SLC25A13: variants seen among roughly 807,000 people sequenced by gnomAD.
The protein encoded by SLC25A13 is electrogenic aspartate/glutamate antiporter SLC25A13, mitochondrial.
A neutral mutation model predicts 85.5 loss-of-function variants in SLC25A13; 70 were observed. That is an observed-to-expected ratio of 0.82 (90% CI 0.68 to 1.00). SLC25A13 has a LOEUF of 1.00. Among genes scored for constraint, SLC25A13 ranks in the 50% least tolerant of loss-of-function variants. SLC25A13 has a pLI of 0.00. For missense variants in SLC25A13, 765 were observed against 819.8 expected (o/e 0.93, Z 0.82); for synonymous variants, 259 against 288.7 (o/e 0.90, Z 1.04).
intron 11 of SLC25A13, among the ~76,000 whole-genome samples, chr7:96,183,757 G>A (rs540409748): frequency 2.6e-5 from 4 of 152,160 alleles, no homozygotes; most frequent in Admixed American, 6.5e-5. Context: ...CTGTCTCAGT[G>A]GGGGGAAACC....
At chr7:96,124,538 A>G (rs1791647160) in intron 15 of SLC25A13, among the ~76,000 whole-genome samples, 1 of 152,220 alleles carries the variant, frequency 6.6e-6, no homozygotes, top group East Asian at 1.9e-4. Flanking sequence ...TCTGAACGCT[A>G]TTTAAAACCT....
chr7:96,243,246 G>A (rs765404885), intron 3 of SLC25A13, among the ~76,000 whole-genome samples: 9 of 152,184 alleles, frequency 5.9e-5, no homozygotes, highest in Admixed American at 3.3e-4. Flanking sequence ...GATTACAGGT[G>A]TGAGCAACCA....
intron 3 of SLC25A13, among the ~76,000 whole-genome samples, chr7:96,276,524 G>A (rs1340542503): frequency 6.6e-6 from 1 of 152,158 alleles, no homozygotes; most frequent in Non-Finnish European, 1.5e-5. Flanking sequence ...TCAGGAGGCT[G>A]AGGTGAGAGG....
At chr7:96,236,418 G>C (rs1490910532) in intron 3 of SLC25A13, among the ~76,000 whole-genome samples, 1 of 152,076 alleles carries the variant, frequency 6.6e-6, no homozygotes, top group Non-Finnish European at 1.5e-5. Context: ...ATAGTCATGA[G>C]CACACATAAC....
At chr7:96,286,518 G>A (rs775277015) in intron 2 of SLC25A13, among the ~76,000 whole-genome samples, 43 of 152,010 alleles carry the variant, frequency 2.8e-4, no homozygotes, top group Non-Finnish European at 5.3e-4. Context: ...ATCTTCGAGC[G>A]TAATTCAAAC....
At chr7:96,157,258 C>G (rs1257241719) in intron 13 of SLC25A13, among the ~76,000 whole-genome samples, 3 of 152,002 alleles carry the variant, frequency 2.0e-5, no homozygotes, top group Non-Finnish European at 4.4e-5. Flanking sequence ...CCTCACGGCT[C>G]ACAGTAAAAT....
chr7:96,237,579 A>G (rs893307803), intron 3 of SLC25A13, among the ~76,000 whole-genome samples: 1 of 152,238 alleles, frequency 6.6e-6, no homozygotes, highest in African/African-American at 2.4e-5. Flanking sequence ...TGTTTTAGAA[A>G]AAGAACTGGT....
At chr7:96,178,923 G>A (rs1297625165) in intron 11 of SLC25A13, among the ~76,000 whole-genome samples, 2 of 152,206 alleles carry the variant, frequency 1.3e-5, no homozygotes, top group Non-Finnish European at 2.9e-5. Context: ...CTACCCCAAG[G>A]TGGCTGTACA....
chr7:96,279,659 A>T (rs1798593395), intron 2 of SLC25A13, among the ~76,000 whole-genome samples: 1 of 152,192 alleles, frequency 6.6e-6, no homozygotes, highest in South Asian at 2.1e-4. Context: ...TTTAAGGTGA[A>T]ATTTGGGTGG....
intron 15 of SLC25A13, among the ~76,000 whole-genome samples, chr7:96,129,276 G>A (rs536483148): frequency 6.6e-6 from 1 of 152,250 alleles, no homozygotes; most frequent in African/African-American, 2.4e-5. Context: ...AGTTTTGAGG[G>A]AATTTGGCAT....
chr7:96,165,555 T>C (rs902873486), intron 13 of SLC25A13, among the ~76,000 whole-genome samples: 2 of 152,116 alleles, frequency 1.3e-5, no homozygotes, highest in African/African-American at 4.8e-5. Context: ...AGCACATGAG[T>C]TGCACTAATG....
At chr7:96,164,738 A>ACACACACACACACT (rs1292803609) in intron 13 of SLC25A13, among the ~76,000 whole-genome samples, 4 of 152,076 alleles carry the variant, frequency 2.6e-5, no homozygotes, top group African/African-American at 9.7e-5. Context: ...ACACACACAC[A>ACACACACACACACT]CACACACAAA....
At chr7:96,318,506 A>G (rs1320921008) in intron 1 of SLC25A13, among the ~76,000 whole-genome samples, 2 of 152,210 alleles carry the variant, frequency 1.3e-5, no homozygotes, top group Non-Finnish European at 2.9e-5. Context: ...GAGAATGGAC[A>G]CTTTTTGAGA....
chr7:96,233,134 C>G (rs75624441), intron 4 of SLC25A13, among the ~76,000 whole-genome samples: 1 of 152,140 alleles, frequency 6.6e-6, no homozygotes, highest in Admixed American at 6.6e-5. Flanking sequence ...AATATCAAAT[C>G]GAACTCTCTT....
At chr7:96,282,723 T>C (rs1387861394) in intron 2 of SLC25A13, among the ~76,000 whole-genome samples, 1 of 152,238 alleles carries the variant, frequency 6.6e-6, no homozygotes, top group East Asian at 1.9e-4. Context: ...AAAAAATGTA[T>C]AAACTAACAT....
chr7:96,271,405 G>T (rs1562892408), intron 3 of SLC25A13, among the ~76,000 whole-genome samples: 1 of 152,144 alleles, frequency 6.6e-6, no homozygotes, highest in Non-Finnish European at 1.5e-5. Context: ...CAACTAAAAG[G>T]TTTGTTATAG....
chr7:96,228,538 T>C (rs549352315), intron 4 of SLC25A13, among the ~76,000 whole-genome samples: 28 of 152,318 alleles, frequency 1.8e-4, no homozygotes, highest in African/African-American at 6.7e-4. Context: ...CTGGTACCAC[T>C]GAGAGGTGAC....
chr7:96,262,941 G>A (rs1273328914), intron 3 of SLC25A13, among the ~76,000 whole-genome samples: 1 of 150,554 alleles, frequency 6.6e-6, no homozygotes, highest in African/African-American at 2.4e-5. Flanking sequence ...TAAGAAAACA[G>A]GTGGAAATTG....
intron 3 of SLC25A13, among the ~76,000 whole-genome samples, chr7:96,264,218 C>T (rs1797961267): frequency 6.6e-6 from 1 of 152,184 alleles, no homozygotes; most frequent in South Asian, 2.1e-4. Context: ...CATACAGCCA[C>T]ACTAACTGGT....
Sources: gnomAD v4.1 joint callset for allele counts (sites outside exome capture counted in the v4.1 genomes callset) on GRCh38, gnomAD v4.1.1 for gene constraint, MANE v1.5 for transcripts, NCBI Gene and HGNC (gene_info 2026-07-23, HGNC 2026-07-21) for gene names.